TNRC6A: variants seen among roughly 807,000 people sequenced by gnomAD.
TNRC6A encodes trinucleotide repeat containing adaptor 6A.
A neutral mutation model predicts 221.2 loss-of-function variants in TNRC6A; 44 were observed. That is an observed-to-expected ratio of 0.20 (90% CI 0.16 to 0.26). TNRC6A has a LOEUF of 0.26. TNRC6A is among the 10% of genes least tolerant of loss of function. The pLI is 1.00. For missense variants in TNRC6A, 2,199 were observed against 2,404.4 expected (o/e 0.91, Z 1.79); for synonymous variants, 847 against 838.5 (o/e 1.01, Z -0.18).
intron 1 of TNRC6A, among the ~76,000 whole-genome samples, chr16:24,621,244 A>G (rs532768890): frequency 1.3e-4 from 19 of 151,878 alleles, no homozygotes; most frequent in Non-Finnish European, 1.5e-4. Context: ...AAAGATTACC[A>G]AATACTGTTA....
Position 24,776,995 on chromosome 16 carries a change from TCCA to T in TNRC6A, c.228_230del (p.Thr77del), listed in dbSNP as rs1357044729. On this transcript the variant is annotated inframe_deletion, in exon 5 of 25. Coordinates refer to ENST00000395799, the MANE Select transcript of TNRC6A (RefSeq NM_014494.4). ...GCCTGCCAACTCTAATAACGGCACT[TCCA>T]CAGCAACCAGCACTAATAATAATGC... The T allele has an allele frequency of 6.2e-7, 1 of 1,614,054 alleles. No homozygotes were observed. The highest frequency in any genetic ancestry group is 1.7e-5 in the Admixed American group (1 of 60,004).
chr16:24,791,034 T>A lies in TNRC6A; in HGVS notation c.2392T>A (p.Ser798Thr), dbSNP rs760772284. 1 of 1,591,570 alleles carries A rather than the reference T, an allele frequency of 6.3e-7. No homozygotes were observed. Among genetic ancestry groups the A allele is most frequent in the East Asian group, 2.2e-5 (1 of 44,724 alleles). Residue 798 changes from serine (S) to threonine (T), a missense_variant, in exon 6 of 25, where the codon TCA (serine) becomes ACA (threonine). By Grantham distance (58) the Ser-to-Thr change is moderately conservative. This residue lies in a region of TNRC6A where 1,405 missense variants were observed against 1,400.2 expected (regional missense o/e 1.00). Coordinates refer to ENST00000395799, the MANE Select transcript of TNRC6A (RefSeq NM_014494.4). The part of the protein sequence containing the change: ...PALRWGDSKG[S>T]NCQGGWEDDS... ...TCTGAGGTGGGGAGATTCCAAAGGC[T>A]CAAACTGCCAGGGGGGGTGGGAAGA...
chr16:24,638,143 C>G (rs891908337), intron 1 of TNRC6A, among the ~76,000 whole-genome samples: 1 of 152,188 alleles, frequency 6.6e-6, no homozygotes, highest in African/African-American at 2.4e-5. Flanking sequence ...AGCGGCCAGG[C>G]GCAGTGGCTC....
At chr16:24,630,479 C>T (rs1324108073) in intron 1 of TNRC6A, among the ~76,000 whole-genome samples, 3 of 152,138 alleles carry the variant, frequency 2.0e-5, no homozygotes, top group African/African-American at 4.8e-5. Flanking sequence ...GCCTGGGCAA[C>T]GTAGTGAGAA....
At chr16:24,704,664 C>CAAAAAAAAAAAAAAAAAAGAAAAAAA (rs2056058629) in intron 2 of TNRC6A, among the ~76,000 whole-genome samples, 1 of 69,464 alleles carries the variant, frequency 1.4e-5, no homozygotes, top group Non-Finnish European at 2.8e-5. Context: ...GACTCCGTCT[C>CAAAAAAAAAAAAAAAAAAGAAAAAAA]AAAAAAAAAA....
chr16:24,820,038 T>G (rs185299868), intron 21 of TNRC6A, 101 bp from the exon 22 acceptor site: 2 of 1,121,642 alleles, frequency 1.8e-6, no homozygotes, highest in Admixed American at 2.5e-5. Flanking sequence ...TTCTTTTGTT[T>G]GTTAGATTTG....
chr16:24,635,545 AG>A (rs771396999), intron 1 of TNRC6A, among the ~76,000 whole-genome samples: 2 of 152,186 alleles, frequency 1.3e-5, no homozygotes, highest in African/African-American at 2.4e-5. Context: ...GGCCTCCCAA[AG>A]TGCTGGGATT....
chr16:24,749,102 G>A (rs2057078290), intron 2 of TNRC6A, among the ~76,000 whole-genome samples: 2 of 152,130 alleles, frequency 1.3e-5, no homozygotes, highest in Non-Finnish European at 2.9e-5. Context: ...TTTTCATTTT[G>A]TGTGATGCTT....
At chr16:24,778,937 G>A (rs1399647154) in intron 5 of TNRC6A, among the ~76,000 whole-genome samples, 2 of 152,166 alleles carry the variant, frequency 1.3e-5, no homozygotes, top group East Asian at 3.8e-4. Context: ...CCTGCTGTGA[G>A]CTAAGGAAGG....
At chr16:24,725,759 T>C (rs1266246947), upstream of TNRC6A, among the ~76,000 whole-genome samples, 1 of 151,952 alleles carries the variant, frequency 6.6e-6, no homozygotes, top group Non-Finnish European at 1.5e-5. Context: ...CCCAGCACTT[T>C]GGTAGGCCGA....
intron 2 of TNRC6A, among the ~76,000 whole-genome samples, chr16:24,718,985 C>A (rs1488353003): frequency 6.8e-6 from 1 of 147,722 alleles, no homozygotes; most frequent in Non-Finnish European, 1.5e-5. Context: ...TGCAGTGAGC[C>A]GAGATCGCAC....
At chr16:24,759,024 A>C (rs1015408888) in intron 4 of TNRC6A, among the ~76,000 whole-genome samples, 3 of 152,150 alleles carry the variant, frequency 2.0e-5, no homozygotes, top group Non-Finnish European at 4.4e-5. Context: ...AAGATTCTGA[A>C]TTTTTATTTT....
intron 1 of TNRC6A, among the ~76,000 whole-genome samples, chr16:24,629,875 G>A (rs1225636563): frequency 6.6e-6 from 1 of 151,924 alleles, no homozygotes; most frequent in Non-Finnish European, 1.5e-5. Context: ...AGGAGGCAGA[G>A]CCAGGAGGAT....
At chr16:24,751,334 T>C (rs2057132645) in intron 3 of TNRC6A, among the ~76,000 whole-genome samples, 1 of 152,202 alleles carries the variant, frequency 6.6e-6, no homozygotes, top group Non-Finnish European at 1.5e-5. Context: ...AGTTTCTTTT[T>C]CCCTCTTTAT....
chr16:24,746,634 T>A (rs908463408), intron 2 of TNRC6A, among the ~76,000 whole-genome samples: 1 of 152,226 alleles, frequency 6.6e-6, no homozygotes, highest in Non-Finnish European at 1.5e-5. Context: ...TAGATTTGAA[T>A]TGATGGATCA....
intron 1 of TNRC6A, among the ~76,000 whole-genome samples, chr16:24,639,825 TTGTC>T (rs1324409082): frequency 2.6e-5 from 4 of 152,088 alleles, no homozygotes; most frequent in Non-Finnish European, 5.9e-5. Flanking sequence ...TTTTGTTTGT[TTGTC>T]TGTTTTTTGT....
At chr16:24,742,501 G>T (rs1358207628) in intron 2 of TNRC6A, among the ~76,000 whole-genome samples, 1 of 152,180 alleles carries the variant, frequency 6.6e-6, no homozygotes, top group Admixed American at 6.5e-5. Flanking sequence ...GTTAGTAAAG[G>T]CAAGGAAGCA....
intron 2 of TNRC6A, among the ~76,000 whole-genome samples, chr16:24,734,477 T>C (rs958676646): frequency 6.6e-6 from 1 of 152,192 alleles, no homozygotes; most frequent in African/African-American, 2.4e-5. Flanking sequence ...GAGGCCAGAA[T>C]CATAGAATCA....
At chr16:24,791,966 A>C in intron 6 of TNRC6A, 149 bp downstream of exon 6, 1 of 817,042 alleles carries the variant, frequency 1.2e-6, no homozygotes, top group Non-Finnish European at 1.8e-6. Context: ...GATGTTTACC[A>C]CCAGAGAACA....
Sources: gnomAD v4.1 joint callset for allele counts (sites outside exome capture counted in the v4.1 genomes callset) on GRCh38, gnomAD v4.1.1 for gene constraint, gnomAD v4.1.1 regional missense constraint, MANE v1.5 for transcripts, NCBI Gene and HGNC (gene_info 2026-07-23, HGNC 2026-07-21) for gene names.